TANC2: variants seen among roughly 807,000 people sequenced by gnomAD.
TANC2 encodes tetratricopeptide repeat, ankyrin repeat and coiled-coil containing 2.
TANC2 carries 26 observed loss-of-function variants against 210.5 expected under a neutral mutation model. The ratio of observed to expected loss-of-function variants is 0.12; its 90% CI spans 0.09 to 0.17. TANC2 has a LOEUF of 0.17. Ranked by LOEUF, TANC2 falls within the 10% of genes least tolerant of loss-of-function variation. The pLI is 1.00. For synonymous variants in TANC2, 931 were observed against 967.1 expected, an observed-to-expected ratio of 0.96 and a Z score of 0.69; for missense variants, 2,129 against 2,608.9, an observed-to-expected ratio of 0.82 and a Z score of 4.01.
chr17:63,411,423 T>C lies in TANC2; in HGVS notation c.3590-88T>C. ...ATAGTCCAGAAACGAGCAGTGTTCT[T>C]TGCAGGAGCATGCCCCTTCAGCGTA... On this transcript the variant is annotated intron_variant, in intron 21 of 27. Coordinates refer to ENST00000689528, the Ensembl canonical transcript of TANC2. 15 of 1,311,692 alleles carry C rather than the reference T, an allele frequency of 1.1e-5. No homozygotes were observed. In the South Asian group the frequency reaches 1.9e-4, roughly 16 times the overall value. The allele number at this position is 1,311,692 out of a possible 1,614,324, so 81.3% of individuals were successfully genotyped here. A position where few individuals can be genotyped will look rare whatever the true frequency, so the allele number is the denominator to read the frequency against.
At chr17:63,086,961 A>G (rs2036991644) in intron 3 of TANC2, among the ~76,000 whole-genome samples, 1 of 152,216 alleles carries the variant, frequency 6.6e-6, no homozygotes, top group African/African-American at 2.4e-5. Flanking sequence ...ATAAGGAAAT[A>G]AAAGCTGGCC....
chr17:63,151,139 A>C (rs980002617), intron 4 of TANC2, 131 bp from the exon 5 acceptor site: 2 of 203,098 alleles, frequency 9.8e-6, no homozygotes, highest in African/African-American at 2.4e-5. Context: ...TGTTCCCCTT[A>C]CTCATGACCC....
intron 5 of TANC2, among the ~76,000 whole-genome samples, chr17:63,186,171 C>T (rs1297684249): frequency 6.6e-6 from 1 of 152,146 alleles, no homozygotes; most frequent in Non-Finnish European, 1.5e-5. Context: ...GTTACTGAAA[C>T]ACTGCAGTGA....
chr17:63,356,216 A>G (rs1454792511), intron 14 of TANC2, among the ~76,000 whole-genome samples: 1 of 152,168 alleles, frequency 6.6e-6, no homozygotes, highest in Non-Finnish European at 1.5e-5. Context: ...TTTTTATTGC[A>G]TGAAACCTAG....
intron 9 of TANC2, among the ~76,000 whole-genome samples, chr17:63,302,532 C>A (rs2044751578): frequency 6.7e-6 from 1 of 150,248 alleles, no homozygotes; most frequent in Non-Finnish European, 1.5e-5. Context: ...TGTAATGCCC[C>A]CTTTGTCTTT....
intron 4 of TANC2, among the ~76,000 whole-genome samples, chr17:63,128,513 AAAAAG>A (rs1161855473): frequency 6.6e-6 from 1 of 152,254 alleles, no homozygotes; most frequent in Non-Finnish European, 1.5e-5. Context: ...AGTTTACACA[AAAAAG>A]AAAAGTTGGA....
chr17:63,256,816 AGTT>A (rs1319864178), intron 8 of TANC2, among the ~76,000 whole-genome samples: 6 of 152,188 alleles, frequency 3.9e-5, no homozygotes, highest in Non-Finnish European at 5.9e-5. Context: ...ATATATTTAC[AGTT>A]GTTATATCCT....
chr17:63,204,354 G>GATATACT (rs1026469416), intron 7 of TANC2, among the ~76,000 whole-genome samples: 7 of 151,730 alleles, frequency 4.6e-5, no homozygotes, highest in African/African-American at 1.7e-4. Flanking sequence ...TAAATGGAAA[G>GATATACT]ATATACTGTC....
At chr17:63,006,859 G>A (rs1321934177) in intron 1 of TANC2, among the ~76,000 whole-genome samples, 1 of 151,984 alleles carries the variant, frequency 6.6e-6, no homozygotes, top group Non-Finnish European at 1.5e-5. Context: ...GGATTTGTCT[G>A]TCACCTTTTA....
chr17:63,287,123 G>A (rs893548824), intron 9 of TANC2, among the ~76,000 whole-genome samples: 3 of 152,062 alleles, frequency 2.0e-5, no homozygotes, highest in Non-Finnish European at 4.4e-5. Flanking sequence ...AGTAGAGACA[G>A]GGTTTTGCTA....
At chr17:63,069,559 A>C (rs2036322485) in intron 2 of TANC2, among the ~76,000 whole-genome samples, 1 of 152,232 alleles carries the variant, frequency 6.6e-6, no homozygotes, top group Non-Finnish European at 1.5e-5. Flanking sequence ...AAATCATCTA[A>C]AAATGACAGA....
At chr17:63,193,997 C>T in exon 6 of TANC2, 2 of 1,612,180 alleles carry the variant, frequency 1.2e-6, no homozygotes, top group Non-Finnish European at 1.7e-6. Context: ...ACAGGTGATG[C>T]TGAACAGGAG....
chr17:63,383,375 C>T (rs180744125), intron 15 of TANC2, among the ~76,000 whole-genome samples: 7 of 152,302 alleles, frequency 4.6e-5, no homozygotes, highest in African/African-American at 1.7e-4. Context: ...TCCCCTTACC[C>T]TCCTCAACCC....
chr17:63,271,125 CAT>C (rs1178969860), intron 9 of TANC2, among the ~76,000 whole-genome samples: 1 of 152,122 alleles, frequency 6.6e-6, no homozygotes, highest in Non-Finnish European at 1.5e-5. Flanking sequence ...CTGCAGTCAA[CAT>C]ATGTGTGCAT....
In TANC2 at chr17:63,043,332, A is replaced by T. The variant is rs1319611863; in HGVS notation, c.68-30611A>T. Among the ~76,000 whole-genome samples, 3 of 152,104 alleles carry T rather than the reference A, an allele frequency of 2.0e-5. No individual in the cohort carries two copies. In the South Asian group the frequency reaches 6.2e-4, roughly 31 times the overall value. On this transcript the variant is annotated intron_variant, in intron 2 of 27. Transcript: ENST00000689528. ...TGATGTACAGATAATAATCACAAAC[A>T]TGTTTGATTAGTATTCACACACACA...
At chr17:63,408,507 G>A (rs2048589540) in intron 21 of TANC2, among the ~76,000 whole-genome samples, 1 of 152,186 alleles carries the variant, frequency 6.6e-6, no homozygotes, top group Non-Finnish European at 1.5e-5. Context: ...TTCCTCCACT[G>A]GATACTTTGT....
intron 2 of TANC2, among the ~76,000 whole-genome samples, chr17:63,045,957 G>A (rs551951568): frequency 6.6e-6 from 1 of 151,946 alleles, no homozygotes; most frequent in East Asian, 1.9e-4. Flanking sequence ...TTTATTCTTT[G>A]ATTAAATATT....
intron 7 of TANC2, among the ~76,000 whole-genome samples, 200 bp downstream of exon 7, chr17:63,201,157 C>G (rs1323606904): frequency 6.6e-6 from 1 of 152,002 alleles, no homozygotes; most frequent in Admixed American, 6.6e-5. Flanking sequence ...TTAACCACTC[C>G]TTATCAGGAT....
intron 2 of TANC2, among the ~76,000 whole-genome samples, chr17:63,060,444 A>G (rs1306603587): frequency 6.6e-6 from 1 of 152,156 alleles, no homozygotes; most frequent in East Asian, 1.9e-4. Flanking sequence ...AACATGGTGA[A>G]ACCCCGTCTA....
Sources: allele counts gnomAD v4.1 joint callset (sites outside exome capture counted in the v4.1 genomes callset), GRCh38; gene constraint gnomAD v4.1.1; transcripts MANE v1.5; gene names NCBI Gene and HGNC (gene_info 2026-07-23, HGNC 2026-07-21).